Variants in SP2 observed in about 807,000 individuals in gnomAD.
The protein encoded by SP2 is transcription factor Sp2.
A neutral mutation model predicts 50.1 loss-of-function variants in SP2; 9 were observed. That is an observed-to-expected ratio of 0.18 (90% CI 0.11 to 0.31). The LOEUF is 0.31. Among genes scored for constraint, SP2 ranks in the 10% least tolerant of loss-of-function variants. SP2 has a pLI of 1.00. For missense variants in SP2, 581 were observed against 806.5 expected, an observed-to-expected ratio of 0.72 and a Z score of 3.39; for synonymous variants, 313 against 326.6, an observed-to-expected ratio of 0.96 and a Z score of 0.45.
intron 1 of SP2, among the ~76,000 whole-genome samples, chr17:47,911,547 G>T (rs1456104885): frequency 6.6e-6 from 1 of 151,100 alleles, no homozygotes; most frequent in South Asian, 2.1e-4. Context: ...AGTGGCTCAC[G>T]CCTGTAATCC....
chr17:47,900,340 C>G (rs1366859019), intron 1 of SP2: 2 of 152,220 alleles, frequency 1.3e-5, no homozygotes, highest in Non-Finnish European at 2.9e-5. Context: ...TGGAATATCT[C>G]TGCTCTCAAT....
At chr17:47,913,471 C>A (rs941765996) in intron 1 of SP2, among the ~76,000 whole-genome samples, 3 of 152,140 alleles carry the variant, frequency 2.0e-5, no homozygotes, top group African/African-American at 7.2e-5. Context: ...CTGACTCTGC[C>A]TGGTGTTCTT....
In SP2 at chr17:47,923,016, C is replaced by T. The variant is rs140692820; in HGVS notation, c.1114C>T (p.Pro372Ser). ...EVQTVLVQDS[P>S]PATAAATSNT... ...GCAGACAGTCCTTGTCCAGGACAGC[C>T]CCCCAGCAACAGCTGCAGCCACCTC... is the stretch of plus-strand genomic sequence containing the variant. The change falls in exon 4 of 7, where the codon CCC (proline) becomes TCC (serine). Residue 372 changes from proline (P) to serine (S), a missense_variant. By Grantham distance (74) the Pro-to-Ser change is moderately conservative. Around this residue, in one of 2 missense-constraint regions of SP2, gnomAD observed 397 missense variants for 491.0 expected, o/e 0.81. Coordinates refer to ENST00000376741, the MANE Select transcript of SP2 (RefSeq NM_003110.6). 2.4e-4 allele frequency: 385 copies of T among 1,614,062 alleles called. No homozygotes were observed. The highest frequency in any genetic ancestry group is 2.8e-4 in the Non-Finnish European group (336 of 1,180,036).
chr17:47,920,809 C>T (rs1042586561), intron 3 of SP2, among the ~76,000 whole-genome samples: 2 of 152,070 alleles, frequency 1.3e-5, no homozygotes, highest in Non-Finnish European at 2.9e-5. Context: ...TACTATGAAA[C>T]TTACCCTTTT....
downstream of SP2, among the ~76,000 whole-genome samples, chr17:47,931,364 T>C (rs2035814367): frequency 6.6e-6 from 1 of 151,844 alleles, no homozygotes; most frequent in Non-Finnish European, 1.5e-5. Flanking sequence ...AGAAAAAAAA[T>C]CATCTTTCCA....
intron 1 of SP2, among the ~76,000 whole-genome samples, chr17:47,911,583 C>A (rs1329264237): frequency 6.6e-6 from 1 of 151,590 alleles, no homozygotes; most frequent in African/African-American, 2.4e-5. Context: ...CCAAGGCAGG[C>A]GGATCACGAG....
rs1282761804 is a variant in SP2 at position 47,916,864 on chromosome 17, G to A, written c.793G>A (p.Val265Met). The change falls in exon 3 of 7, where the codon GTG becomes ATG. Residue 265 changes from valine to methionine, a missense_variant. Transcript: ENST00000376741. The surrounding 1 kb of genome is among the most constrained non-coding windows in gnomAD (Gnocchi z 4.7). ...GCCCCCTGTGGCTGTGGCTGAGCAG[G>A]TGGAGACGGTGCTGATCGAGACCAC... ...SQPPVAVAEQ[V>M]ETVLIETTAD... The A allele has an allele frequency of 3.7e-6, 6 of 1,614,090 alleles. No homozygotes were observed. In the African/African-American group the frequency reaches 4.0e-5, roughly 11 times the overall value.
chr17:47,925,903 GC>G (rs2035624706), intron 6 of SP2, among the ~76,000 whole-genome samples: 2 of 112,342 alleles, frequency 1.8e-5, no homozygotes, highest in African/African-American at 7.1e-5. Flanking sequence ...CTTTGTTTAT[GC>G]CTTTTTTTTT....
At position 47,916,048 on chromosome 17, in the gene SP2, G is replaced by T; in HGVS notation, c.85-108G>T. On this transcript the variant is annotated intron_variant, in intron 2 of 6. Coordinates refer to ENST00000376741, the MANE Select transcript of SP2 (RefSeq NM_003110.6). The surrounding 1 kb of genome is among the most constrained non-coding windows in gnomAD (Gnocchi z 4.7). ...TACTGGCAACATGCCTGCCCCGGAG[G>T]TGGGGAAGACTGGCGTGGAATGCCG... 7.6e-7 allele frequency: 1 copy of T among 1,318,798 alleles called. No individual in the cohort carries two copies. The highest frequency in any genetic ancestry group is 2.3e-5 in the East Asian group (1 of 43,192). The allele number at this position is 1,318,798 out of a possible 1,614,324, so 81.7% of individuals were successfully genotyped here.
intron 4 of SP2, among the ~76,000 whole-genome samples, chr17:47,923,519 C>A (rs1268016567): frequency 2.0e-5 from 3 of 152,238 alleles, no homozygotes; most frequent in Non-Finnish European, 2.9e-5. Flanking sequence ...AACTTTCCAA[C>A]TGACATCCAA....
At chr17:47,915,214 C>CCAA in intron 1 of SP2, 98 bp from the exon 2 acceptor site, 1 of 715,752 alleles carries the variant, frequency 1.4e-6, no homozygotes, top group South Asian at 2.1e-5. Flanking sequence ...AATTCCGTCT[C>CCAA]AAAAAAAAAA....
chr17:47,923,160 A>G lies in SP2; in HGVS notation c.1258A>G (p.Ser420Gly). ...CCTGCCAAAGATTGCCCCAGCCGGG[A>G]GCATCATCAGCCTGAATGCAGCCCA... The part of the protein sequence containing the change: ...RPLPKIAPAG[S>G]IISLNAAQLA... Residue 420 changes from serine to glycine, a missense_variant, in exon 4 of 7, where the codon AGC becomes GGC. Around this residue, in one of 2 missense-constraint regions of SP2, gnomAD observed 184 missense variants for 315.5 expected, o/e 0.58. Coordinates refer to ENST00000376741, the MANE Select transcript of SP2 (RefSeq NM_003110.6). 2 of 1,614,188 alleles carry G rather than the reference A, an allele frequency of 1.2e-6. No individual in the cohort carries two copies. Among genetic ancestry groups the G allele is most frequent in the Non-Finnish European group, 1.7e-6 (2 of 1,180,042 alleles).
intron 1 of SP2, among the ~76,000 whole-genome samples, chr17:47,909,130 A>G (rs78317601): frequency 0.058 from 8,777 of 152,304 alleles, 329 homozygotes; most frequent in South Asian, 0.088. Context: ...TGTCTTCTGA[A>G]CAAGCTCCAG....
chr17:47,903,047 C>T (rs1170089602), intron 1 of SP2, among the ~76,000 whole-genome samples: 2 of 152,292 alleles, frequency 1.3e-5, no homozygotes, highest in Non-Finnish European at 2.9e-5. Context: ...TGAGCCACAG[C>T]GCCCAGCTGG....
intron 4 of SP2, among the ~76,000 whole-genome samples, chr17:47,923,716 G>C (rs913300816): frequency 2.6e-5 from 4 of 152,154 alleles, no homozygotes; most frequent in African/African-American, 9.7e-5. Flanking sequence ...CCTTATGTAG[G>C]GGGAGCTCTC....
In SP2 at chr17:47,916,263, G is replaced by A. The variant is rs765516389; in HGVS notation, c.192G>A (p.Pro64=). 9 of 1,613,994 alleles carry A rather than the reference G, an allele frequency of 5.6e-6. No homozygotes were observed. Among genetic ancestry groups the A allele is most frequent in the Admixed American group, 1.7e-5 (1 of 60,002 alleles). Residue 64 remains proline, a synonymous_variant, in exon 3 of 7, where the codon CCG becomes CCA. Transcript: ENST00000376741. The surrounding 1 kb of genome is among the most constrained non-coding windows in gnomAD (Gnocchi z 4.7). ...VTPPAPPQPT[P]RKLVPIKPAP... Reference sequence around the variant, plus strand: ...CTCCTGCTCCCCCACAGCCCACACCGCGGAAACTTGTCCCTATCAAACCTG... The same window carrying A: ...CTCCTGCTCCCCCACAGCCCACACCACGGAAACTTGTCCCTATCAAACCTG...
intron 1 of SP2, among the ~76,000 whole-genome samples, chr17:47,907,719 A>C (rs1567691263): frequency 6.6e-6 from 1 of 152,232 alleles, no homozygotes; most frequent in Non-Finnish European, 1.5e-5. Flanking sequence ...TAAAACAATT[A>C]TTCTGACTAA....
chr17:47,899,291 T>G (rs1416011484), intron 1 of SP2: 1 of 152,214 alleles, frequency 6.6e-6, no homozygotes, highest in Non-Finnish European at 1.5e-5. Context: ...GGTCTCACTT[T>G]TCTGTCAGCA....
intron 6 of SP2, among the ~76,000 whole-genome samples, chr17:47,926,106 G>A (rs1160301358): frequency 2.6e-5 from 4 of 151,206 alleles, no homozygotes; most frequent in East Asian, 1.9e-4. Flanking sequence ...TAGTAGAGAC[G>A]GGGTTTCACC....
Sources: allele counts gnomAD v4.1 joint callset (sites outside exome capture counted in the v4.1 genomes callset), GRCh38; gene constraint gnomAD v4.1.1; regional missense constraint gnomAD v4.1.1; non-coding constraint Gnocchi (gnomAD v3.1); transcripts MANE v1.5; gene names NCBI Gene and HGNC (gene_info 2026-07-23, HGNC 2026-07-21).